Variants in CSMD1 observed in about 807,000 individuals in gnomAD.
CSMD1 encodes the protein CUB and Sushi multiple domains 1.
In CSMD1, 213 loss-of-function variants were observed where a neutral mutation model predicts 417.5. That is an observed-to-expected ratio of 0.51 (90% CI 0.46 to 0.57). The LOEUF (loss-of-function observed/expected upper bound fraction) is 0.57, where lower values mean the gene tolerates loss of function less well. Ranked by LOEUF, CSMD1 falls within the 20% of genes least tolerant of loss-of-function variation. The pLI is 0.00. For synonymous variants in CSMD1, 2,862 were observed against 1,736.8 expected, an observed-to-expected ratio of 1.65 and a Z score of -16.11; for missense variants, 6,923 against 4,529.7, an observed-to-expected ratio of 1.53 and a Z score of -15.17.
chr8:4,450,018 T>C (rs1799042919), intron 2 of CSMD1, among the ~76,000 whole-genome samples: 2 of 152,324 alleles, frequency 1.3e-5, no homozygotes, highest in South Asian at 2.1e-4. Context: ...TGCTATGGCC[T>C]GGGTGTCCTG....
intron 1 of CSMD1, among the ~76,000 whole-genome samples, chr8:4,897,556 G>A (rs772200626): frequency 1.3e-5 from 2 of 152,050 alleles, no homozygotes; most frequent in African/African-American, 2.4e-5. Flanking sequence ...GTGTTTAATA[G>A]ATTGCAATTT....
intron 3 of CSMD1, among the ~76,000 whole-genome samples, chr8:4,075,755 G>A (rs576771682): frequency 5.3e-5 from 8 of 152,114 alleles, no homozygotes; most frequent in Non-Finnish European, 8.8e-5. Flanking sequence ...GTCCCTTTCA[G>A]AATTTTTCCA....
chr8:4,937,422 A>C (rs1214808988), intron 1 of CSMD1, among the ~76,000 whole-genome samples: 1 of 152,148 alleles, frequency 6.6e-6, no homozygotes, highest in African/African-American at 2.4e-5. Flanking sequence ...ATTCATATAA[A>C]AATAGTGTTT....
Position 3,263,612 on chromosome 8 carries a change from A to T in CSMD1, c.4153+20532T>A, listed in dbSNP as rs145240066. Among the ~76,000 whole-genome samples, 665 of 152,330 alleles carry T rather than the reference A, an allele frequency of 4.4e-3. 2 individuals carry two copies. Among genetic ancestry groups the T allele is most frequent in the Non-Finnish European group, 7.5e-3 (511 of 68,034 alleles). On this transcript the variant is annotated intron_variant, in intron 26 of 69. Transcript: ENST00000635120. ...AAATGTTTTAATATTTTTAGTATGA[A>T]ATTATATTTTTGAGAGATTGATAAC...
chr8:4,207,941 C>G (rs989514285), intron 3 of CSMD1, among the ~76,000 whole-genome samples: 2 of 151,970 alleles, frequency 1.3e-5, no homozygotes, highest in South Asian at 2.1e-4. Flanking sequence ...TCTTCCATGC[C>G]TAAGAATTTA....
chr8:2,950,190 G>C (rs748300179), intron 67 of CSMD1, 41 bp downstream of exon 67: 11 of 1,279,270 alleles, frequency 8.6e-6, no homozygotes, highest in African/African-American at 1.5e-5. Flanking sequence ...GAGATGATTA[G>C]AAAGCCTGTG....
chr8:4,165,438 G>A (rs1402406878), intron 3 of CSMD1, among the ~76,000 whole-genome samples: 2 of 152,210 alleles, frequency 1.3e-5, no homozygotes, highest in African/African-American at 2.4e-5. Flanking sequence ...GTGGTGTCAT[G>A]CTATGTCGCC....
At chr8:4,787,644 G>A (rs1797477206) in intron 1 of CSMD1, 2 of 1,586,614 alleles carry the variant, frequency 1.3e-6, no homozygotes, top group East Asian at 2.2e-5. Context: ...TTTCTCAAAA[G>A]AAATCCTGGT....
chr8:3,842,353 T>G (rs1224500827), intron 5 of CSMD1, among the ~76,000 whole-genome samples: 1 of 152,180 alleles, frequency 6.6e-6, no homozygotes, highest in Non-Finnish European at 1.5e-5. Context: ...GATACCCATA[T>G]CAATACCACT....
At chr8:3,662,627 G>T (rs189619620) in intron 7 of CSMD1, among the ~76,000 whole-genome samples, 2 of 152,190 alleles carry the variant, frequency 1.3e-5, no homozygotes, top group East Asian at 3.9e-4. Flanking sequence ...CTGTCTTCCA[G>T]AATGGTTGAA....
chr8:3,382,565 A>C lies in CSMD1; in HGVS notation c.2782+4929T>G, dbSNP rs926441796. Among the ~76,000 whole-genome samples, 293 of 138,954 alleles carry C rather than the reference A, an allele frequency of 2.1e-3. 1 individual carries two copies. Among genetic ancestry groups the C allele is most frequent in the Middle Eastern group, 3.9e-3 (1 of 254 alleles). The allele number at this position is 138,954 out of a possible 152,430, so 91.2% of individuals were successfully genotyped here. On this transcript the variant is annotated intron_variant, in intron 18 of 69. Transcript: ENST00000635120. ...TATTATTAGCATTATGTCTTTCTCTATATATATCTATAATAGATATATAAA... is the reference window on the plus strand; with the variant it reads ...TATTATTAGCATTATGTCTTTCTCTCTATATATCTATAATAGATATATAAA...
At chr8:4,470,135 G>T (rs1192587623) in intron 2 of CSMD1, among the ~76,000 whole-genome samples, 1 of 152,072 alleles carries the variant, frequency 6.6e-6, no homozygotes, top group African/African-American at 2.4e-5. Flanking sequence ...CTCCCAAAGG[G>T]CTGGGATTAC....
intron 2 of CSMD1, among the ~76,000 whole-genome samples, chr8:4,469,962 G>T (rs886889145): frequency 6.6e-6 from 1 of 151,646 alleles, no homozygotes; most frequent in Non-Finnish European, 1.5e-5. Context: ...CCACCTCCTG[G>T]ATTCACACCA....
intron 3 of CSMD1, among the ~76,000 whole-genome samples, chr8:4,356,329 T>TACACACACACAC (rs3990908): frequency 0.019 from 2,920 of 150,954 alleles, 103 homozygotes; most frequent in African/African-American, 0.068. Flanking sequence ...TCATATGTAA[T>TACACACACACAC]ACACACACAC....
intron 26 of CSMD1, among the ~76,000 whole-genome samples, chr8:3,237,653 A>ATT (rs1799234119): frequency 2.2e-5 from 3 of 134,024 alleles, no homozygotes; most frequent in African/African-American, 7.8e-5. Flanking sequence ...TAATTTTTTA[A>ATT]ATTATACTAT....
chr8:3,563,192 G>A (rs994808915), intron 10 of CSMD1, among the ~76,000 whole-genome samples: 8 of 151,716 alleles, frequency 5.3e-5, no homozygotes, highest in African/African-American at 1.9e-4. Flanking sequence ...ATTTAGTTGG[G>A]TTTTTTGTTT....
At chr8:3,346,915 G>C in intron 22 of CSMD1, among the ~76,000 whole-genome samples, 1 of 152,234 alleles carries the variant, frequency 6.6e-6, no homozygotes. Flanking sequence ...CCAGAAACCA[G>C]GCTTCTGTCC....
At chr8:3,263,922 T>G (rs574938352) in intron 26 of CSMD1, among the ~76,000 whole-genome samples, 59 of 152,364 alleles carry the variant, frequency 3.9e-4, no homozygotes, top group South Asian at 8.3e-4. Context: ...ACTTTTTACC[T>G]AATGGTAACG....
intron 5 of CSMD1, among the ~76,000 whole-genome samples, chr8:3,835,547 A>G (rs1305810834): frequency 6.6e-6 from 1 of 152,054 alleles, no homozygotes; most frequent in Non-Finnish European, 1.5e-5. Flanking sequence ...GAAAGGGAAC[A>G]TCGCACCTCA....
Sources: allele counts gnomAD v4.1 joint callset (sites outside exome capture counted in the v4.1 genomes callset), GRCh38; gene constraint gnomAD v4.1.1; transcripts MANE v1.5; gene names NCBI Gene and HGNC (gene_info 2026-07-23, HGNC 2026-07-21).